Variants in ERICH1 observed in about 807,000 individuals in gnomAD.
ERICH1 encodes the protein glutamate rich 1.
A neutral mutation model predicts 39.6 loss-of-function variants in ERICH1; 56 were observed. That is an observed-to-expected ratio of 1.41 (90% CI 1.14 to 1.77). The LOEUF is 1.77. Among genes scored for constraint, ERICH1 ranks in the 40% most tolerant of loss-of-function variants. The pLI is 0.00. For missense variants in ERICH1, 826 were observed against 575.4 expected, an observed-to-expected ratio of 1.44 and a Z score of -4.45; for synonymous variants, 313 against 223.6, an observed-to-expected ratio of 1.40 and a Z score of -3.57.
At chr8:708,055 T>C (rs574817002) in intron 2 of ERICH1, among the ~76,000 whole-genome samples, 2 of 151,908 alleles carry the variant, frequency 1.3e-5, no homozygotes, top group Non-Finnish European at 1.5e-5. Flanking sequence ...ACATTCTCAG[T>C]CATCAGAAAA....
At chr8:620,463 C>A (rs336419) in intron 3 of ERICH1, among the ~76,000 whole-genome samples, 19,257 of 152,164 alleles carry the variant, frequency 0.13, 1,478 homozygotes, top group East Asian at 0.28. Context: ...AAACCAGAAA[C>A]CTGCTTATCA....
At chr8:661,196 AAGAG>A (rs763291240), downstream of ERICH1, among the ~76,000 whole-genome samples, 2,430 of 152,218 alleles carry the variant, frequency 0.016, 30 homozygotes, top group Non-Finnish European at 0.023. Flanking sequence ...CGATTCTCTG[AAGAG>A]CCCCGGGATG....
chr8:650,271 G>A (rs567305435), intron 3 of ERICH1, among the ~76,000 whole-genome samples: 3 of 152,160 alleles, frequency 2.0e-5, no homozygotes, highest in South Asian at 2.1e-4. Context: ...TGTCCCCGGG[G>A]TCTGACTCCG....
chr8:635,790 T>TG (rs1798390919), intron 3 of ERICH1, among the ~76,000 whole-genome samples: 1 of 152,130 alleles, frequency 6.6e-6, no homozygotes, highest in African/African-American at 2.4e-5. Flanking sequence ...CGTGAGTCTG[T>TG]GGTCCACATG....
In ERICH1 at chr8:715,928, G is replaced by A. The variant is rs1467272614; in HGVS notation, c.102C>T (p.Ala34=). The A allele has an allele frequency of 5.6e-6, 9 of 1,613,820 alleles. No individual in the cohort carries two copies. The highest frequency in any genetic ancestry group is 2.2e-5 in the East Asian group (1 of 44,864). ...GQGKREPQTL[A]VQNPPKKVTS... The stretch of plus-strand genomic sequence containing the variant: ...TCACTTTCTTTGGTGGATTTTGGAC[G>A]GCCAGCGTCTGGGGTTCCCTCTTTC... The change falls in exon 2 of 6, where the codon GCC becomes GCT. Residue 34 remains alanine, a synonymous_variant. Coordinates refer to ENST00000262109, the MANE Select transcript of ERICH1 (RefSeq NM_207332.3).
intron 3 of ERICH1, chr8:626,805 C>A (rs1423996819): frequency 1.4e-5 from 3 of 217,854 alleles, no homozygotes; most frequent in Non-Finnish European, 2.9e-5. Flanking sequence ...TTTATATTTG[C>A]TGATTTATAT....
chr8:686,127 C>A (rs1226673226), intron 3 of ERICH1, among the ~76,000 whole-genome samples: 1 of 152,162 alleles, frequency 6.6e-6, no homozygotes, highest in African/African-American at 2.4e-5. Context: ...TGCACTCCAG[C>A]TGGGATGACA....
At chr8:663,952 G>A (rs901931388), downstream of ERICH1, among the ~76,000 whole-genome samples, 3 of 152,054 alleles carry the variant, frequency 2.0e-5, no homozygotes, top group Non-Finnish European at 4.4e-5. Context: ...ATAGAGATGG[G>A]GTTTCACCGT....
At chr8:726,764 G>A (rs56651677) in intron 1 of ERICH1, among the ~76,000 whole-genome samples, 21,022 of 149,374 alleles carry the variant, frequency 0.14, 1,967 homozygotes, top group East Asian at 0.48. Flanking sequence ...ACCACACACA[G>A]ACACATGTAC....
intron 3 of ERICH1, among the ~76,000 whole-genome samples, chr8:629,703 C>T (rs1311041577): frequency 1.3e-5 from 2 of 148,278 alleles, no homozygotes; most frequent in African/African-American, 5.2e-5. Context: ...CCTGTGACCA[C>T]CCACACAGAC....
chr8:702,076 C>CAAAAAAAAA (rs60476920), intron 2 of ERICH1, among the ~76,000 whole-genome samples: 1 of 88,152 alleles, frequency 1.1e-5, no homozygotes, highest in Non-Finnish European at 2.1e-5. Flanking sequence ...GACTACATCT[C>CAAAAAAAAA]AAAAAAAAAA....
At chr8:616,301 C>A in intron 3 of ERICH1, 1 of 305,876 alleles carries the variant, frequency 3.3e-6, no homozygotes, top group South Asian at 2.7e-5. Flanking sequence ...TGTGGCAGGA[C>A]AAGCATGGGG....
chr8:638,405 G>A (rs531930028), intron 3 of ERICH1, among the ~76,000 whole-genome samples: 4 of 152,240 alleles, frequency 2.6e-5, no homozygotes, highest in Non-Finnish European at 2.9e-5. Context: ...TACAGCTTCC[G>A]TTACAGTGCG....
chr8:698,227 T>C (rs1007305334), intron 2 of ERICH1, among the ~76,000 whole-genome samples: 1 of 151,518 alleles, frequency 6.6e-6, no homozygotes, highest in Non-Finnish European at 1.5e-5. Flanking sequence ...CCTTTTCTTT[T>C]TTTTTTTTTG....
At chr8:671,062 C>T (rs1434449880) in intron 4 of ERICH1, among the ~76,000 whole-genome samples, 2 of 151,602 alleles carry the variant, frequency 1.3e-5, no homozygotes, top group South Asian at 4.2e-4. Context: ...TCCCCAGGCT[C>T]CGACCTCTGA....
chr8:673,918 T>A lies in ERICH1; in HGVS notation c.434A>T (p.Glu145Val), dbSNP rs377143154. 7 of 1,613,312 alleles carry A rather than the reference T, an allele frequency of 4.3e-6. No individual in the cohort carries two copies. In the African/African-American group the frequency reaches 8.0e-5, roughly 18 times the overall value. ...ATCTGTGTGCTGTCGCTGAGATTTC[T>A]CCTGTAACAGACTCTGCTGTTTCTC... Reference protein sequence around the residue: ...ELEKQQSLLQEKSQRQHTDGT... With the variant: ...ELEKQQSLLQVKSQRQHTDGT... The change falls in exon 4 of 6, where the codon GAG becomes GTG. Residue 145 changes from glutamate to valine, a missense_variant. Coordinates refer to ENST00000262109, the MANE Select transcript of ERICH1 (RefSeq NM_207332.3).
intron 2 of ERICH1, among the ~76,000 whole-genome samples, chr8:698,024 T>G (rs1440326951): frequency 1.3e-5 from 2 of 152,048 alleles, no homozygotes; most frequent in African/African-American, 4.8e-5. Flanking sequence ...CGTGTACCTG[T>G]GACATGGAGC....
chr8:673,388 C>G lies in ERICH1; in HGVS notation c.964G>C (p.Gly322Arg). ...TCATCTTCCTCGCTGGCGTCTGCAC[C>G]GTCCTCCTCCCCGGAGTCTGCACCC... is the stretch of plus-strand genomic sequence containing the variant. ...EEGADSGEEDGADASEEDDTI... is the reference protein window; with the variant it reads ...EEGADSGEEDRADASEEDDTI... The change falls in exon 4 of 6, where the codon GGT becomes CGT. Residue 322 changes from glycine to arginine, a missense_variant. Transcript: ENST00000262109. 15 of 1,614,082 alleles carry G rather than the reference C, an allele frequency of 9.3e-6. No homozygotes were observed. The highest frequency in any genetic ancestry group is 1.3e-5 in the Non-Finnish European group (15 of 1,179,984).
At chr8:707,300 C>G (rs534423344) in intron 2 of ERICH1, among the ~76,000 whole-genome samples, 1 of 151,424 alleles carries the variant, frequency 6.6e-6, no homozygotes, top group African/African-American at 2.4e-5. Context: ...CTCTGCCTCC[C>G]GGGTTCAAGC....
Sources: gnomAD v4.1 joint callset for allele counts (sites outside exome capture counted in the v4.1 genomes callset) on GRCh38, gnomAD v4.1.1 for gene constraint, MANE v1.5 for transcripts, NCBI Gene and HGNC (gene_info 2026-07-23, HGNC 2026-07-21) for gene names.